Variants in RTN1 observed in about 807,000 individuals in gnomAD.
The protein encoded by RTN1 is reticulon-1.
Under a neutral mutation model 65.5 loss-of-function variants are expected in RTN1, and 25 were observed. The observed-to-expected ratio is 0.38, with a 90% CI of 0.28 to 0.53. The LOEUF (loss-of-function observed/expected upper bound fraction) is 0.53, where lower values mean the gene tolerates loss of function less well. Among genes scored for constraint, RTN1 ranks in the 20% least tolerant of loss-of-function variants. The pLI is 0.79. For missense variants in RTN1, 983 were observed against 1,025.4 expected, an observed-to-expected ratio of 0.96 and a Z score of 0.57; for synonymous variants, 471 against 447.6, an observed-to-expected ratio of 1.05 and a Z score of -0.66.
intron 3 of RTN1, among the ~76,000 whole-genome samples, chr14:59,664,375 G>A (rs1037927058): frequency 3.3e-5 from 5 of 152,116 alleles, no homozygotes; most frequent in Admixed American, 1.3e-4. Context: ...TAGATGACGG[G>A]TTGATGGGTG....
chr14:59,744,442 T>C (rs1463115023), intron 2 of RTN1, among the ~76,000 whole-genome samples: 1 of 152,218 alleles, frequency 6.6e-6, no homozygotes, highest in East Asian at 1.9e-4. Context: ...CTCTGGCCTT[T>C]AGCCAGGGAT....
At position 59,755,908 on chromosome 14, in the gene RTN1, C is replaced by T. The variant is rs145136004; in HGVS notation, c.242-9427G>A. Reference sequence around the variant, plus strand: ...AGAATATGAGTAACTACTCTTTCCCCAACTCACTGCCTTATTTAAAGCTTG... The same window carrying T: ...AGAATATGAGTAACTACTCTTTCCCTAACTCACTGCCTTATTTAAAGCTTG... On this transcript the variant is annotated intron_variant, in intron 1 of 8. Coordinates refer to ENST00000267484, the MANE Select transcript of RTN1 (RefSeq NM_021136.3). Among the ~76,000 whole-genome samples, 222 of 152,256 alleles carry T rather than the reference C, an allele frequency of 1.5e-3. 1 individual carries two copies. Among genetic ancestry groups the T allele is most frequent in the African/African-American group, 4.9e-3 (203 of 41,552 alleles).
chr14:59,645,705 GA>G (rs1231640721), intron 3 of RTN1, among the ~76,000 whole-genome samples: 1 of 152,158 alleles, frequency 6.6e-6, no homozygotes, highest in African/African-American at 2.4e-5. Context: ...CCACCTAATG[GA>G]AAAGTGTCCA....
At chr14:59,858,534 G>C (rs1156495863) in intron 1 of RTN1, among the ~76,000 whole-genome samples, 1 of 148,396 alleles carries the variant, frequency 6.7e-6, no homozygotes, top group Non-Finnish European at 1.5e-5. Flanking sequence ...TAGGAATTTT[G>C]GAGAATGTGA....
intron 3 of RTN1, among the ~76,000 whole-genome samples, chr14:59,678,969 A>G (rs1227814368): frequency 2.0e-5 from 3 of 152,182 alleles, no homozygotes; most frequent in Non-Finnish European, 4.4e-5. Flanking sequence ...GGGTCTTAGT[A>G]TCTAACTCTG....
At chr14:59,641,374 A>G (rs886288890) in intron 3 of RTN1, among the ~76,000 whole-genome samples, 3 of 151,522 alleles carry the variant, frequency 2.0e-5, no homozygotes, top group South Asian at 2.1e-4. Flanking sequence ...TTATTTATTT[A>G]TTTGTTTGTT....
At chr14:59,664,819 T>G (rs1188378370) in intron 3 of RTN1, among the ~76,000 whole-genome samples, 1 of 152,170 alleles carries the variant, frequency 6.6e-6, no homozygotes, top group East Asian at 1.9e-4. Flanking sequence ...AATTTTTTTT[T>G]GTGCAAGCGT....
At chr14:59,755,764 G>T (rs1449809181) in intron 1 of RTN1, among the ~76,000 whole-genome samples, 1 of 152,058 alleles carries the variant, frequency 6.6e-6, no homozygotes. Flanking sequence ...AGAAATCCAG[G>T]TACACCCATT....
chr14:59,753,720 G>T (rs181531748), intron 1 of RTN1, among the ~76,000 whole-genome samples: 4 of 152,152 alleles, frequency 2.6e-5, no homozygotes, highest in Non-Finnish European at 5.9e-5. Context: ...ATTCTTGTCA[G>T]CACTTCCTGC....
At chr14:59,613,824 A>T (rs747004625) in intron 3 of RTN1, among the ~76,000 whole-genome samples, 8 of 151,810 alleles carry the variant, frequency 5.3e-5, no homozygotes, top group Non-Finnish European at 1.2e-4. Flanking sequence ...AAACCCTCTG[A>T]TTTCCTTATA....
In RTN1 at chr14:59,778,521, C is replaced by A. The variant is rs866033099; in HGVS notation, c.242-32040G>T. On this transcript the variant is annotated intron_variant, in intron 1 of 8. Transcript: ENST00000267484. ...TCCAATATTCATTGAGTGCTCACTG[C>A]ATGCTTTGTTCTGTGCCAGACACTG... 3.9e-5 allele frequency among the ~76,000 whole-genome samples: 6 copies of A among 152,290 alleles called. No individual in the cohort carries two copies. The South Asian group carries it at 1.0e-3, about 26-fold the overall frequency.
intron 3 of RTN1, among the ~76,000 whole-genome samples, chr14:59,666,241 C>T (rs1208037147): frequency 1.3e-5 from 2 of 152,200 alleles, no homozygotes; most frequent in Non-Finnish European, 2.9e-5. Flanking sequence ...AACAAACTGT[C>T]TCTCAGACCA....
At chr14:59,615,687 C>T (rs541318449) in intron 3 of RTN1, among the ~76,000 whole-genome samples, 3 of 151,970 alleles carry the variant, frequency 2.0e-5, no homozygotes, top group South Asian at 4.2e-4. Flanking sequence ...TAACAATGCA[C>T]GAATGCAAAC....
At chr14:59,698,306 G>A (rs1884106063) in intron 3 of RTN1, among the ~76,000 whole-genome samples, 1 of 152,080 alleles carries the variant, frequency 6.6e-6, no homozygotes, top group South Asian at 2.1e-4. Context: ...CTACAAATAG[G>A]TAACATCATA....
rs141481879 is a variant in RTN1 at position 59,864,842 on chromosome 14, G to A, written c.241+5548C>T. Among the ~76,000 whole-genome samples, 48 of 151,992 alleles carry A rather than the reference G, an allele frequency of 3.2e-4. 1 individual carries two copies. In the East Asian group the frequency reaches 8.9e-3, roughly 28 times the overall value. ...TCTACCCACCCCCAATTTTTAAATC[G>A]GGACAAAAATAATTTTAATAAACAG... is the stretch of plus-strand genomic sequence containing the variant. On this transcript the variant is annotated intron_variant, in intron 1 of 8. Coordinates refer to ENST00000267484, the MANE Select transcript of RTN1 (RefSeq NM_021136.3).
intron 1 of RTN1, among the ~76,000 whole-genome samples, chr14:59,783,545 G>C (rs1886194741): frequency 6.6e-6 from 1 of 152,178 alleles, no homozygotes; most frequent in African/African-American, 2.4e-5. Flanking sequence ...CAGGCCCTCT[G>C]ATTTTCAGCA....
intron 1 of RTN1, among the ~76,000 whole-genome samples, chr14:59,866,365 C>T (rs183392452): frequency 2.6e-5 from 4 of 152,096 alleles, no homozygotes; most frequent in Admixed American, 2.6e-4. Context: ...GCAAGATAAC[C>T]AATAATGCTT....
intron 3 of RTN1, among the ~76,000 whole-genome samples, chr14:59,667,664 C>T (rs985378704): frequency 3.9e-5 from 6 of 152,192 alleles, no homozygotes; most frequent in African/African-American, 1.2e-4. Flanking sequence ...ATGAGGAAGT[C>T]GAATTGTCCC....
rs1220168178 is a variant in RTN1, at chr14:59,774,043, G to A, written c.242-27562C>T. On this transcript the variant is annotated intron_variant, in intron 1 of 8. Transcript: ENST00000267484. The surrounding 1 kb of genome is among the most constrained non-coding windows in gnomAD (Gnocchi z 5.1). ...AAAATTAGGATAAAACTGCATCCAC[G>A]TTTGTGAAATAGAATGCCAGATTTA... is the stretch of plus-strand genomic sequence containing the variant. 6.6e-6 allele frequency among the ~76,000 whole-genome samples: 1 copy of A among 152,086 alleles called. No individual in the cohort carries two copies. The highest frequency in any genetic ancestry group is 1.5e-5 in the Non-Finnish European group (1 of 67,998).
Sources: allele counts gnomAD v4.1 joint callset (sites outside exome capture counted in the v4.1 genomes callset), GRCh38; gene constraint gnomAD v4.1.1; non-coding constraint Gnocchi (gnomAD v3.1); transcripts MANE v1.5; gene names NCBI Gene and HGNC (gene_info 2026-07-23, HGNC 2026-07-21).